The following ASXL3 variants were observed in gnomAD, a reference collection of about 807,000 sequenced individuals.
ASXL3 encodes the protein putative Polycomb group protein ASXL3.
ASXL3 carries 34 observed loss-of-function variants against 170.6 expected under a neutral mutation model. The observed-to-expected ratio is 0.20, with a 90% CI of 0.15 to 0.27. ASXL3 has a LOEUF of 0.27. Ranked by LOEUF, ASXL3 falls within the 10% of genes least tolerant of loss-of-function variation. ASXL3 has a pLI of 1.00. For missense variants in ASXL3, 2,592 were observed against 2,695.3 expected, an observed-to-expected ratio of 0.96 and a Z score of 0.85; for synonymous variants, 1,002 against 989.1, an observed-to-expected ratio of 1.01 and a Z score of -0.24.
intron 4 of ASXL3, among the ~76,000 whole-genome samples, chr18:33,652,585 T>C (rs7226372): frequency 0.5 from 65,919 of 130,944 alleles, 16,706 homozygotes; most frequent in East Asian, 0.81. Context: ...ATTAGTATTT[T>C]AAAAGTTTCT....
At chr18:33,664,905 A>C (rs752654852) in intron 5 of ASXL3, among the ~76,000 whole-genome samples, 46 of 152,146 alleles carry the variant, frequency 3.0e-4, no homozygotes, top group Non-Finnish European at 4.1e-4. Context: ...TTAACATCAT[A>C]TGTTGGGCAT....
chr18:33,612,220 TAAG>T lies in ASXL3; in HGVS notation c.137+4547_137+4549del, dbSNP rs550175889. On this transcript the variant is annotated intron_variant, in intron 2 of 11. Coordinates refer to ENST00000269197, the MANE Select transcript of ASXL3 (RefSeq NM_030632.3). The stretch of plus-strand genomic sequence containing the variant: ...ATATACACAAACCACACAAAGCAAT[TAAG>T]AAAACCTCTGTTGGGTTGAAAGCAA... 2.8e-4 allele frequency among the ~76,000 whole-genome samples: 43 copies of T among 151,840 alleles called. No homozygotes were observed. In the East Asian group the frequency reaches 8.2e-3, roughly 29 times the overall value.
intron 1 of ASXL3, among the ~76,000 whole-genome samples, chr18:33,604,514 T>C (rs1347893185): frequency 6.6e-6 from 1 of 151,498 alleles, no homozygotes; most frequent in East Asian, 1.9e-4. Flanking sequence ...GTTCAGAGAG[T>C]GAAGTATAAT....
intron 7 of ASXL3, among the ~76,000 whole-genome samples, chr18:33,678,771 A>C (rs1053290940): frequency 6.6e-6 from 1 of 152,220 alleles, no homozygotes; most frequent in Admixed American, 6.5e-5. Flanking sequence ...ACAATCATAT[A>C]TAATTGGATT....
intron 8 of ASXL3, among the ~76,000 whole-genome samples, chr18:33,715,170 G>T (rs909351996): frequency 3.9e-5 from 6 of 151,996 alleles, no homozygotes; most frequent in Non-Finnish European, 8.8e-5. Context: ...CCACACTCTG[G>T]GGCTGAATAT....
chr18:33,605,920 G>A (rs147349356), intron 1 of ASXL3, among the ~76,000 whole-genome samples: 133 of 151,914 alleles, frequency 8.8e-4, no homozygotes, highest in African/African-American at 3.0e-3. Context: ...TTTTATGAGA[G>A]ACCCGTTGCC....
intron 8 of ASXL3, among the ~76,000 whole-genome samples, chr18:33,705,101 A>G (rs1021194861): frequency 2.0e-5 from 3 of 151,760 alleles, no homozygotes; most frequent in African/African-American, 7.2e-5. Context: ...AGGTATATTT[A>G]TCATATTAAT....
chr18:33,729,750 T>C (rs1191757931), intron 8 of ASXL3, among the ~76,000 whole-genome samples: 1 of 152,138 alleles, frequency 6.6e-6, no homozygotes, highest in Non-Finnish European at 1.5e-5. Flanking sequence ...TACTCATTTC[T>C]GATTTTCTCA....
At chr18:33,636,378 C>A (rs955087705) in intron 2 of ASXL3, among the ~76,000 whole-genome samples, 8 of 152,026 alleles carry the variant, frequency 5.3e-5, no homozygotes, top group South Asian at 4.2e-4. Context: ...ACAGCCACAG[C>A]CACAGTGAAT....
intron 9 of ASXL3, 98 bp downstream of exon 9, chr18:33,732,162 A>G (rs578145074): frequency 4.8e-6 from 4 of 841,066 alleles, no homozygotes; most frequent in Non-Finnish European, 7.0e-6. Flanking sequence ...TCCCCGACAC[A>G]GTACACTTTA....
At chr18:33,592,129 G>A (rs1159110089) in intron 1 of ASXL3, among the ~76,000 whole-genome samples, 1 of 152,056 alleles carries the variant, frequency 6.6e-6, no homozygotes. Context: ...GTCGTAGGCA[G>A]TTCAGATGGG....
At chr18:33,667,506 C>T (rs1305763735) in intron 5 of ASXL3, among the ~76,000 whole-genome samples, 8 of 152,230 alleles carry the variant, frequency 5.3e-5, no homozygotes, top group South Asian at 2.1e-4. Context: ...CCATCTACTC[C>T]GTTCTTTTTT....
intron 1 of ASXL3, among the ~76,000 whole-genome samples, chr18:33,606,645 T>G (rs1022262884): frequency 1.3e-5 from 2 of 152,032 alleles, no homozygotes; most frequent in African/African-American, 2.4e-5. Context: ...CTAGTGTCTC[T>G]AAGTTACAAG....
chr18:33,690,230 T>G (rs986488341), intron 8 of ASXL3: 3 of 152,140 alleles, frequency 2.0e-5, no homozygotes, highest in Admixed American at 2.0e-4. Flanking sequence ...TAGTATACTT[T>G]CTCTGCCCCA....
At chr18:33,698,134 G>A (rs1333423903) in intron 8 of ASXL3, among the ~76,000 whole-genome samples, 1 of 152,098 alleles carries the variant, frequency 6.6e-6, no homozygotes, top group African/African-American at 2.4e-5. Context: ...TTTGAGAAGT[G>A]ATTAAGTCAG....
At chr18:33,638,179 C>G (rs1223441766) in intron 2 of ASXL3, among the ~76,000 whole-genome samples, 1 of 147,470 alleles carries the variant, frequency 6.8e-6, no homozygotes, top group Non-Finnish European at 1.5e-5. Context: ...ATATATATAT[C>G]TTATGTGTAT....
intron 4 of ASXL3, among the ~76,000 whole-genome samples, chr18:33,653,139 A>G (rs1219784636): frequency 6.6e-6 from 1 of 152,056 alleles, no homozygotes; most frequent in Non-Finnish European, 1.5e-5. Context: ...GAGGTTTTAC[A>G]GTAACTTGCC....
intron 8 of ASXL3, among the ~76,000 whole-genome samples, chr18:33,701,321 A>G (rs973788177): frequency 6.6e-6 from 1 of 151,992 alleles, no homozygotes; most frequent in Non-Finnish European, 1.5e-5. Flanking sequence ...GCCAATTTCT[A>G]TCAAGAAGCC....
chr18:33,578,801 G>A (rs1469506642), intron 1 of ASXL3, 116 bp downstream of exon 1: 2 of 615,982 alleles, frequency 3.2e-6, no homozygotes, highest in Non-Finnish European at 2.2e-6. Flanking sequence ...CCCGCTCGCC[G>A]GGCTCCTGCT....
Sources: allele counts gnomAD v4.1 joint callset (sites outside exome capture counted in the v4.1 genomes callset), GRCh38; gene constraint gnomAD v4.1.1; transcripts MANE v1.5; gene names NCBI Gene and HGNC (gene_info 2026-07-23, HGNC 2026-07-21).